Variants in GFPT2 observed in about 807,000 individuals in gnomAD.
The protein encoded by GFPT2 is glutamine--fructose-6-phosphate transaminase 2.
Under a neutral mutation model 85.6 loss-of-function variants are expected in GFPT2, and 62 were observed. That is an observed-to-expected ratio of 0.72 (90% CI 0.59 to 0.90). The LOEUF is 0.90. Ranked by LOEUF, GFPT2 falls within the 40% of genes least tolerant of loss-of-function variation. GFPT2 has a pLI of 0.00. For missense variants in GFPT2, 788 were observed against 893.4 expected (o/e 0.88, Z 1.50); for synonymous variants, 368 against 344.5 (o/e 1.07, Z -0.75).
chr5:180,307,074 C>T (rs1218637946), intron 16 of GFPT2, 102 bp downstream of exon 16: 10 of 948,666 alleles, frequency 1.1e-5, no homozygotes, highest in African/African-American at 3.3e-5. Context: ...TCCTTAGGCC[C>T]GGCCCTCCCC....
At chr5:180,332,640 C>T (rs532906359) in intron 4 of GFPT2, among the ~76,000 whole-genome samples, 3 of 152,242 alleles carry the variant, frequency 2.0e-5, no homozygotes, top group South Asian at 2.1e-4. Flanking sequence ...CGGGTTCAAG[C>T]GATTCTCCTG....
intron 1 of GFPT2, among the ~76,000 whole-genome samples, chr5:180,352,111 G>A (rs1764721086): frequency 6.6e-6 from 1 of 152,162 alleles, no homozygotes; most frequent in Non-Finnish European, 1.5e-5. Flanking sequence ...CAGCCTGGGT[G>A]AGGCGGCATC....
intron 1 of GFPT2, chr5:180,352,527 A>G (rs1764731745): frequency 1.1e-5 from 5 of 443,896 alleles, no homozygotes; most frequent in East Asian, 7.7e-5. Context: ...CGGGAATCGG[A>G]CGCCCGGCCC....
rs1561870843 is a variant in GFPT2 at position 180,304,905 on chromosome 5, C to G, written c.1709G>C (p.Gly570Ala). 1 of 1,613,004 alleles carries G rather than the reference C, an allele frequency of 6.2e-7. No individual in the cohort carries two copies. The highest frequency in any genetic ancestry group is 8.5e-7 in the Non-Finnish European group (1 of 1,179,142). ...GTGCTTCAGCTCCCCAGCCAGGATG[C>G]CTTCTGAGTGCATGTAGGTTATCTC... ...IKEITYMHSE[G>A]ILAGELKHGP... The change falls in exon 17 of 19, where the codon GGC becomes GCC. Residue 570 changes from glycine to alanine, a missense_variant. Gly to Ala is a moderately conservative substitution (Grantham distance 60). Transcript: ENST00000253778.
At chr5:180,316,734 G>C in intron 12 of GFPT2, 30 bp downstream of exon 12, 2 of 1,500,912 alleles carry the variant, frequency 1.3e-6, no homozygotes, top group Non-Finnish European at 1.9e-6. Context: ...GACTGCCGTC[G>C]ACTTCCCCAC....
At chr5:180,334,563 A>T (rs1186928097) in intron 4 of GFPT2, among the ~76,000 whole-genome samples, 1 of 152,210 alleles carries the variant, frequency 6.6e-6, no homozygotes, top group East Asian at 1.9e-4. Flanking sequence ...AGCTCCCAGT[A>T]ACTGCTCTGA....
At chr5:180,332,863 T>G (rs1764330298) in intron 4 of GFPT2, among the ~76,000 whole-genome samples, 1 of 152,208 alleles carries the variant, frequency 6.6e-6, no homozygotes, top group Non-Finnish European at 1.5e-5. Flanking sequence ...TGATCCCTTC[T>G]TTGGATATCC....
intron 1 of GFPT2, among the ~76,000 whole-genome samples, chr5:180,343,153 T>C (rs1764550770): frequency 6.6e-6 from 1 of 152,118 alleles, no homozygotes; most frequent in Non-Finnish European, 1.5e-5. Flanking sequence ...GGTTCAGAAA[T>C]GTACCCATTG....
At chr5:180,347,395 C>T (rs1764629483) in intron 1 of GFPT2, among the ~76,000 whole-genome samples, 1 of 152,054 alleles carries the variant, frequency 6.6e-6, no homozygotes, top group African/African-American at 2.4e-5. Context: ...TGTGGTCACC[C>T]ACCCAGAGCT....
In GFPT2 at chr5:180,301,268, G is replaced by A. The variant is rs574310035; in HGVS notation, c.*296C>T. On this transcript the variant is annotated 3_prime_UTR_variant, in exon 19 of 19. Coordinates refer to ENST00000253778, the MANE Select transcript of GFPT2 (RefSeq NM_005110.4). ...ACTAACTCTAGTGTTGGTTATAAAA[G>A]GTTCACAGTTACTCTGAAGAGAGCT... The A allele has an allele frequency of 5.2e-5, 23 of 442,012 alleles. No homozygotes were observed. In the South Asian group the frequency reaches 1.5e-3, roughly 28 times the overall value. The allele number at this position is 442,012 out of a possible 1,614,324, so 27.4% of individuals were successfully genotyped here. A position where few individuals can be genotyped will look rare whatever the true frequency, so the allele number is the denominator to read the frequency against.
chr5:180,348,527 GAC>G (rs1209421590), intron 1 of GFPT2, among the ~76,000 whole-genome samples: 3 of 152,262 alleles, frequency 2.0e-5, no homozygotes, highest in African/African-American at 7.2e-5. Context: ...CTTACAGAAA[GAC>G]AGAGGAGCCT....
At chr5:180,303,731 G>A (rs930441031) in intron 17 of GFPT2, among the ~76,000 whole-genome samples, 2 of 152,212 alleles carry the variant, frequency 1.3e-5, no homozygotes, top group Non-Finnish European at 2.9e-5. Flanking sequence ...TGTGTACAAA[G>A]CATTTGGTTG....
Position 180,338,416 on chromosome 5 carries a change from C to A in GFPT2, c.115+77G>T, listed in dbSNP as rs1298858876. 1.2e-5 allele frequency: 8 copies of A among 661,594 alleles called. No homozygotes were observed. The East Asian group carries it at 1.4e-4, about 12-fold the overall frequency. The allele number at this position is 661,594 out of a possible 1,614,324, so 41.0% of individuals were successfully genotyped here. A position where few individuals can be genotyped will look rare whatever the true frequency, so the allele number is the denominator to read the frequency against. On this transcript the variant is annotated intron_variant, in intron 2 of 18. Coordinates refer to ENST00000253778, the MANE Select transcript of GFPT2 (RefSeq NM_005110.4). Reference sequence around the variant, plus strand: ...AGAAAAAATGCCCTGGTTGTAAACCCCCCTGCAGTGGAGATGGGTGAGACC... The same window carrying A: ...AGAAAAAATGCCCTGGTTGTAAACCACCCTGCAGTGGAGATGGGTGAGACC...
At chr5:180,346,675 G>C (rs1360475712) in intron 1 of GFPT2, among the ~76,000 whole-genome samples, 6 of 150,898 alleles carry the variant, frequency 4.0e-5, no homozygotes, top group Admixed American at 2.6e-4. Flanking sequence ...TGCGCCCCTG[G>C]GGCCCCCAGG....
chr5:180,315,209 GCT>G (rs1339018634), intron 13 of GFPT2, among the ~76,000 whole-genome samples: 1 of 148,718 alleles, frequency 6.7e-6, no homozygotes, highest in African/African-American at 2.5e-5. Context: ...ACGGAGTCTC[GCT>G]CTGTCGCCCA....
chr5:180,350,700 C>G lies in GFPT2; in HGVS notation c.7+2511G>C, dbSNP rs182483163. Among the ~76,000 whole-genome samples the G allele has an allele frequency of 6.6e-5, 10 of 152,264 alleles. No homozygotes were observed. In the East Asian group the frequency reaches 1.9e-3, roughly 29 times the overall value. ...TCGCAGAAAGTCAGCAAAATGCCAG[C>G]AACTTTCAGATGTCAATAAAACCAA... is the stretch of plus-strand genomic sequence containing the variant. On this transcript the variant is annotated intron_variant, in intron 1 of 18. Coordinates refer to ENST00000253778, the MANE Select transcript of GFPT2 (RefSeq NM_005110.4).
intron 1 of GFPT2, among the ~76,000 whole-genome samples, chr5:180,342,338 A>G (rs1018503455): frequency 6.6e-6 from 1 of 152,112 alleles, no homozygotes; most frequent in Non-Finnish European, 1.5e-5. Flanking sequence ...CTGCCATCTA[A>G]AGCATGCGAT....
At position 180,330,389 on chromosome 5, in the gene GFPT2, C is replaced by T. The variant is rs1033481492; in HGVS notation, c.534+311G>A. ...ACTCTCTCTGCACACCACCACCAAG[C>T]TCACGTGTGCATCATAAAAAGCCAC... On this transcript the variant is annotated intron_variant, in intron 6 of 18. Coordinates refer to ENST00000253778, the MANE Select transcript of GFPT2 (RefSeq NM_005110.4). The surrounding 1 kb of genome is among the most constrained non-coding windows in gnomAD (Gnocchi z 4.4). 1.2e-4 allele frequency among the ~76,000 whole-genome samples: 18 copies of T among 152,176 alleles called. No homozygotes were observed. Among genetic ancestry groups the T allele is most frequent in the Admixed American group, 2.0e-4 (3 of 15,278 alleles).
intron 16 of GFPT2, 116 bp downstream of exon 16, chr5:180,307,060 G>A (rs1320534839): frequency 2.5e-6 from 2 of 784,608 alleles, no homozygotes; most frequent in African/African-American, 1.7e-5. Context: ...GACTGGCCAA[G>A]GGGTCCTTAG....
Sources: allele counts gnomAD v4.1 joint callset (sites outside exome capture counted in the v4.1 genomes callset), GRCh38; gene constraint gnomAD v4.1.1; non-coding constraint Gnocchi (gnomAD v3.1); transcripts MANE v1.5; gene names NCBI Gene and HGNC (gene_info 2026-07-23, HGNC 2026-07-21).